The following PRH1 variants were observed in gnomAD, a reference collection of about 807,000 sequenced individuals.
PRH1 encodes the protein salivary acidic proline-rich phosphoprotein 1/2.
A neutral mutation model predicts 7.9 loss-of-function variants in PRH1; 7 were observed. That is an observed-to-expected ratio of 0.89 (90% CI 0.50 to 1.67). PRH1 has a LOEUF of 1.67. PRH1 is among the 40% of genes most tolerant of loss of function. The pLI, the probability that PRH1 is intolerant of heterozygous loss-of-function variation, is 0.00. For missense variants in PRH1, 109 were observed against 223.6 expected, an observed-to-expected ratio of 0.49 and a Z score of 3.27; for synonymous variants, 45 against 80.8, an observed-to-expected ratio of 0.56 and a Z score of 2.38.
chr12:11,049,120 T>A (rs1943031166), upstream of PRH1: 1 of 469,902 alleles, frequency 2.1e-6, no homozygotes, highest in Non-Finnish European at 3.7e-6. Context: ...GTGAGAAATT[T>A]GGTCAGCTGA....
chr12:10,952,125 G>A (rs1379738531), intron 2 of PRH1, among the ~76,000 whole-genome samples: 5 of 152,184 alleles, frequency 3.3e-5, no homozygotes, highest in African/African-American at 7.2e-5. Context: ...GTTCAGGCAC[G>A]AAACAAGGAT....
At chr12:11,147,698 T>C (rs2136414629) in intron 1 of PRH1, among the ~76,000 whole-genome samples, 1 of 152,362 alleles carries the variant, frequency 6.6e-6, no homozygotes, top group East Asian at 1.9e-4. Flanking sequence ...GATGAGTTTA[T>C]ATTGCTTGTC....
At chr12:11,163,045 A>G (rs1349553) in intron 1 of PRH1, among the ~76,000 whole-genome samples, 44,084 of 152,130 alleles carry the variant, frequency 0.29, 8,265 homozygotes, top group East Asian at 0.74. Context: ...AGTATGTTCT[A>G]TATTGTTTAA....
chr12:11,058,680 G>GCGA (rs1412159131), intron 1 of PRH1, among the ~76,000 whole-genome samples: 1 of 151,744 alleles, frequency 6.6e-6, no homozygotes. Context: ...AGAATTCAAA[G>GCGA]CTGTTAGAGG....
At chr12:10,985,527 A>T (rs939338633) in intron 1 of PRH1, among the ~76,000 whole-genome samples, 1 of 152,184 alleles carries the variant, frequency 6.6e-6, no homozygotes, top group Admixed American at 6.5e-5. Context: ...GGTAAAAATC[A>T]GTGGAAAAGA....
intron 2 of PRH1, among the ~76,000 whole-genome samples, chr12:10,923,316 T>TG (rs1565473694): frequency 6.6e-6 from 1 of 150,488 alleles, no homozygotes; most frequent in African/African-American, 2.5e-5. Flanking sequence ...TTAGTAGAGA[T>TG]GGGGGTTTCA....
chr12:10,929,415 G>A (rs1372938781), intron 2 of PRH1: 1 of 1,563,014 alleles, frequency 6.4e-7, no homozygotes, highest in Non-Finnish European at 8.8e-7. Flanking sequence ...AAAGTGGAGG[G>A]AAGAGAGGAG....
chr12:10,953,542 CT>C (rs1240732057), intron 2 of PRH1, among the ~76,000 whole-genome samples: 1 of 152,148 alleles, frequency 6.6e-6, no homozygotes, highest in Admixed American at 6.5e-5. Context: ...TCTGAAATTA[CT>C]CAGTCAGGCA....
At chr12:10,975,235 C>T (rs1423274610) in intron 1 of PRH1, among the ~76,000 whole-genome samples, 1 of 152,166 alleles carries the variant, frequency 6.6e-6, no homozygotes, top group African/African-American at 2.4e-5. Flanking sequence ...AGTAGAAGCC[C>T]TACAAACAGA....
At chr12:11,006,863 T>C (rs969469331) in intron 1 of PRH1, among the ~76,000 whole-genome samples, 1 of 151,968 alleles carries the variant, frequency 6.6e-6, no homozygotes, top group Non-Finnish European at 1.5e-5. Flanking sequence ...ATAGCTGAAA[T>C]TGAATCCTAT....
chr12:10,992,604 G>A (rs934373025), intron 1 of PRH1, among the ~76,000 whole-genome samples: 2 of 152,056 alleles, frequency 1.3e-5, no homozygotes, highest in African/African-American at 4.8e-5. Context: ...TAACAAACAG[G>A]GTCTTGCTGT....
At chr12:10,917,294 A>AT (rs375014019) in intron 2 of PRH1, among the ~76,000 whole-genome samples, 3 of 150,714 alleles carry the variant, frequency 2.0e-5, no homozygotes, top group Admixed American at 6.7e-5. Context: ...TAATTTTATA[A>AT]TTTTTTTTAT....
intron 2 of PRH1, among the ~76,000 whole-genome samples, chr12:10,943,224 C>G (rs1950431996): frequency 6.6e-6 from 1 of 152,186 alleles, no homozygotes; most frequent in East Asian, 1.9e-4. Flanking sequence ...TGCCTCCCAT[C>G]CACCATGATG....
chr12:11,067,917 T>G (rs1040595088), intron 1 of PRH1, among the ~76,000 whole-genome samples: 4 of 152,194 alleles, frequency 2.6e-5, no homozygotes, highest in African/African-American at 9.7e-5. Context: ...ACCATAATGC[T>G]CTATTCTCCT....
At chr12:11,153,231 A>G (rs1463661971) in intron 1 of PRH1, among the ~76,000 whole-genome samples, 1 of 152,180 alleles carries the variant, frequency 6.6e-6, no homozygotes, top group Non-Finnish European at 1.5e-5. Flanking sequence ...AAGAAAAATT[A>G]TGAACTTAAG....
At chr12:11,134,174 T>C (rs746720280) in intron 1 of PRH1, 3 of 1,613,950 alleles carry the variant, frequency 1.9e-6, no homozygotes, top group Non-Finnish European at 2.5e-6. Context: ...TATGAAGCCA[T>C]TAGCAAAATT....
chr12:11,049,484 C>T (rs748472036), upstream of PRH1, among the ~76,000 whole-genome samples: 28 of 152,264 alleles, frequency 1.8e-4, no homozygotes, highest in Admixed American at 3.9e-4. Flanking sequence ...CTCAAAACAG[C>T]TCAAATTCAC....
At chr12:11,114,079 T>C (rs964940889) in intron 1 of PRH1, among the ~76,000 whole-genome samples, 7 of 152,124 alleles carry the variant, frequency 4.6e-5, no homozygotes, top group East Asian at 1.9e-4. Context: ...AGTTCAACCA[T>C]TGGGGAAAAC....
At chr12:10,890,817 G>A (rs1388461907) in intron 2 of PRH1, among the ~76,000 whole-genome samples, 2 of 151,348 alleles carry the variant, frequency 1.3e-5, no homozygotes, top group Non-Finnish European at 2.9e-5. Context: ...AGGAGGGGAT[G>A]GGAGGGGAGG....
Sources: gnomAD v4.1 joint callset for allele counts (sites outside exome capture counted in the v4.1 genomes callset) on GRCh38, gnomAD v4.1.1 for gene constraint, MANE v1.5 for transcripts, NCBI Gene and HGNC (gene_info 2026-07-23, HGNC 2026-07-21) for gene names.